SV2C: variants seen among roughly 807,000 people sequenced by gnomAD.
SV2C encodes solute carrier family 22 member B3.
A neutral mutation model predicts 79.7 loss-of-function variants in SV2C; 49 were observed. The ratio of observed to expected loss-of-function variants is 0.61; its 90% CI spans 0.49 to 0.78. SV2C has a LOEUF of 0.78. SV2C is among the 30% of genes least tolerant of loss of function. The pLI is 0.00. For missense variants in SV2C, 833 were observed against 912.9 expected, an observed-to-expected ratio of 0.91 and a Z score of 1.13; for synonymous variants, 334 against 333.2, an observed-to-expected ratio of 1.00 and a Z score of -0.03.
the SV2C span, among the ~76,000 whole-genome samples, chr5:76,077,556 C>G: frequency 8.3e-4 from 127 of 152,222 alleles, no homozygotes; most frequent in Middle Eastern, 6.8e-3. Flanking sequence ...GTGGCAGCAC[C>G]CTTCTGGTTC....
rs780302711 is a variant in SV2C, at chr5:76,285,244, C to T, written c.996C>T (p.Ser332=). ...TCGTCTGTGCACTCCCCTGTGTCTC[C>T]TCCGTGGTGGCCCTCACATTCATGC... ...FVIVCALPCV[S]SVVALTFMPE... The change falls in exon 5 of 13, where the codon TCC becomes TCT. Residue 332 remains serine, a synonymous_variant. Transcript: ENST00000502798. 4 of 1,614,228 alleles carry T rather than the reference C, an allele frequency of 2.5e-6. No individual in the cohort carries two copies. In the Admixed American group the frequency reaches 5.0e-5, roughly 20 times the overall value.
At chr5:76,158,109 G>A (rs1167434617) in intron 2 of SV2C, among the ~76,000 whole-genome samples, 1 of 151,598 alleles carries the variant, frequency 6.6e-6, no homozygotes, top group Non-Finnish European at 1.5e-5. Flanking sequence ...GCACAAGAAA[G>A]CAATAAAGGT....
the SV2C span, among the ~76,000 whole-genome samples, chr5:75,869,310 C>T: frequency 6.6e-6 from 1 of 152,182 alleles, no homozygotes; most frequent in Non-Finnish European, 1.5e-5. Context: ...AGGCAGCATT[C>T]ACCATAAGCT....
the SV2C span, among the ~76,000 whole-genome samples, chr5:75,970,748 T>A: frequency 1.8e-4 from 28 of 151,962 alleles, no homozygotes; most frequent in African/African-American, 6.0e-4. Context: ...CAGAGGTACA[T>A]GGAGGAACTG....
At chr5:76,258,642 T>C (rs968009277) in intron 4 of SV2C, among the ~76,000 whole-genome samples, 23 of 152,222 alleles carry the variant, frequency 1.5e-4, no homozygotes, top group Non-Finnish European at 1.0e-4. Flanking sequence ...AATGTAATCT[T>C]GCTGCTGTTT....
chr5:75,998,353 A>G, the SV2C span, among the ~76,000 whole-genome samples: 1 of 152,152 alleles, frequency 6.6e-6, no homozygotes, highest in Non-Finnish European at 1.5e-5. Context: ...ATAATAAAAA[A>G]AAAGTCCCAT....
At chr5:76,187,609 T>A (rs1561255616) in intron 2 of SV2C, among the ~76,000 whole-genome samples, 1 of 152,198 alleles carries the variant, frequency 6.6e-6, no homozygotes, top group Non-Finnish European at 1.5e-5. Flanking sequence ...CTTTCTTTGC[T>A]TTTATTTGAT....
chr5:76,280,820 G>A (rs1747162885), intron 4 of SV2C: 1 of 385,218 alleles, frequency 2.6e-6, no homozygotes. Context: ...CTCAGCTTTT[G>A]GAGCCAGCAG....
At chr5:76,302,014 A>G (rs997379749) in intron 12 of SV2C, among the ~76,000 whole-genome samples, 6 of 152,154 alleles carry the variant, frequency 3.9e-5, no homozygotes, top group African/African-American at 1.4e-4. Context: ...TATCTTTTAA[A>G]AAGAAAATAT....
chr5:75,856,726 T>G, the SV2C span, among the ~76,000 whole-genome samples: 3 of 152,242 alleles, frequency 2.0e-5, no homozygotes, highest in Non-Finnish European at 4.4e-5. Flanking sequence ...TTGCAAACAT[T>G]TCCTCCCATT....
At chr5:76,141,823 C>CAAAAAA (rs11313342) in intron 2 of SV2C, among the ~76,000 whole-genome samples, 18 of 72,416 alleles carry the variant, frequency 2.5e-4, no homozygotes, top group East Asian at 3.7e-4. Context: ...AAGTCCATCT[C>CAAAAAA]AAAAAAAAAA....
chr5:75,928,398 T>A, the SV2C span, among the ~76,000 whole-genome samples: 2 of 152,200 alleles, frequency 1.3e-5, no homozygotes, highest in Non-Finnish European at 2.9e-5. Context: ...GAGATGATGT[T>A]CAGTCCCTTA....
At chr5:75,899,834 C>G in the SV2C span, among the ~76,000 whole-genome samples, 1 of 151,934 alleles carries the variant, frequency 6.6e-6, no homozygotes, top group Non-Finnish European at 1.5e-5. Flanking sequence ...CCTTCTTTGT[C>G]TCTTTTGATC....
chr5:76,024,931 GA>G, the SV2C span, among the ~76,000 whole-genome samples: 3 of 152,178 alleles, frequency 2.0e-5, no homozygotes, highest in Admixed American at 1.3e-4. Context: ...CTAAAAGGGA[GA>G]AGTGGCCTGC....
At chr5:76,299,713 A>G (rs1000837721) in intron 10 of SV2C, among the ~76,000 whole-genome samples, 7 of 152,216 alleles carry the variant, frequency 4.6e-5, no homozygotes, top group African/African-American at 1.2e-4. Flanking sequence ...AAGAAGAATG[A>G]GGTCAGGTGT....
At chr5:75,985,823 G>T in the SV2C span, among the ~76,000 whole-genome samples, 1 of 151,796 alleles carries the variant, frequency 6.6e-6, no homozygotes, top group Non-Finnish European at 1.5e-5. Flanking sequence ...ATGCTAAAGG[G>T]CAATATGTGA....
At chr5:75,872,511 C>A in the SV2C span, among the ~76,000 whole-genome samples, 20 of 151,942 alleles carry the variant, frequency 1.3e-4, no homozygotes, top group South Asian at 3.9e-3. Flanking sequence ...GATATTGGCT[C>A]AAGAAGGTAT....
At chr5:76,256,773 C>T (rs1370549469) in intron 4 of SV2C, among the ~76,000 whole-genome samples, 1 of 152,200 alleles carries the variant, frequency 6.6e-6, no homozygotes, top group East Asian at 1.9e-4. Flanking sequence ...TTTAAAATGT[C>T]ATTATATTTT....
At chr5:76,061,191 CAAAATGAGCACATGCTGTTGGA>C in the SV2C span, among the ~76,000 whole-genome samples, 1 of 120,622 alleles carries the variant, frequency 8.3e-6, no homozygotes, top group African/African-American at 3.2e-5. Context: ...GTCTCAGAGA[CAAAATGAGCACATGCTGTTGGA>C]AAAATGGTCC....
Sources: allele counts gnomAD v4.1 joint callset (sites outside exome capture counted in the v4.1 genomes callset), GRCh38; gene constraint gnomAD v4.1.1; transcripts MANE v1.5; gene names NCBI Gene and HGNC (gene_info 2026-07-23, HGNC 2026-07-21).